Variants in GPC6 observed in about 807,000 individuals in gnomAD.
GPC6 encodes glypican-6.
Under a neutral mutation model 55.2 loss-of-function variants are expected in GPC6, and 14 were observed. The ratio of observed to expected loss-of-function variants is 0.25; its 90% CI spans 0.17 to 0.40. The LOEUF (loss-of-function observed/expected upper bound fraction) is 0.40. Ranked by LOEUF, GPC6 falls within the 10% of genes least tolerant of loss-of-function variation. GPC6 has a pLI of 1.00. For synonymous variants in GPC6, 278 were observed against 259.6 expected (o/e 1.07, Z -0.68); for missense variants, 641 against 708.5 (o/e 0.90, Z 1.08).
At chr13:93,741,746 C>T (rs552376415) in intron 2 of GPC6, among the ~76,000 whole-genome samples, 1 of 151,918 alleles carries the variant, frequency 6.6e-6, no homozygotes, top group Non-Finnish European at 1.5e-5. Flanking sequence ...AAATGCTTAC[C>T]CCCAGCACTC....
intron 4 of GPC6, among the ~76,000 whole-genome samples, chr13:94,137,264 C>T (rs558256739): frequency 6.6e-6 from 1 of 152,124 alleles, no homozygotes; most frequent in South Asian, 2.1e-4. Context: ...ATTCAGAAGC[C>T]AGTAGAGGGG....
chr13:93,558,999 C>T (rs868377885), intron 2 of GPC6, among the ~76,000 whole-genome samples: 7 of 152,176 alleles, frequency 4.6e-5, no homozygotes, highest in African/African-American at 1.7e-4. Context: ...GTGGCCCTCC[C>T]TTCAAAGCCC....
At chr13:93,809,151 C>T (rs141552977) in intron 2 of GPC6, among the ~76,000 whole-genome samples, 3 of 152,278 alleles carry the variant, frequency 2.0e-5, no homozygotes, top group African/African-American at 7.2e-5. Flanking sequence ...CTGGCAAATA[C>T]GCCTCTCCCT....
chr13:93,639,417 A>G (rs1375443510), intron 2 of GPC6, among the ~76,000 whole-genome samples: 1 of 152,126 alleles, frequency 6.6e-6, no homozygotes. Flanking sequence ...GGATAAATGA[A>G]GTTGTTGAAT....
chr13:94,253,247 C>A (rs1891411960), intron 4 of GPC6, among the ~76,000 whole-genome samples: 1 of 152,070 alleles, frequency 6.6e-6, no homozygotes, highest in Admixed American at 6.6e-5. Context: ...AGAGGGTGGT[C>A]TGCGTTCCCA....
chr13:93,814,555 T>A, intron 2 of GPC6, among the ~76,000 whole-genome samples: 1 of 152,176 alleles, frequency 6.6e-6, no homozygotes, highest in East Asian at 1.9e-4. Flanking sequence ...TTTTCCTGTT[T>A]GTACTTTGGA....
At chr13:94,014,580 C>T (rs188526025) in intron 3 of GPC6, among the ~76,000 whole-genome samples, 100 of 152,220 alleles carry the variant, frequency 6.6e-4, no homozygotes, top group Admixed American at 9.8e-4. Flanking sequence ...AGTATATTTA[C>T]GGTGTTAGCA....
chr13:93,952,723 A>T (rs1199008029), intron 3 of GPC6, among the ~76,000 whole-genome samples: 1 of 150,370 alleles, frequency 6.7e-6, no homozygotes. Flanking sequence ...ATTCACCTGT[A>T]TGTGTGTATA....
Position 94,406,464 on chromosome 13 carries a change from A to G in GPC6, c.*3247A>G, listed in dbSNP as rs1288155577. ...TTAGCACTAGAAATCTGTCTCCCTT[A>G]CAATGACTTACCTAGCTAGCATCAA... On this transcript the variant is annotated 3_prime_UTR_variant, in exon 9 of 9. Transcript: ENST00000377047. The G allele has an allele frequency of 6.6e-6, 1 of 152,166 alleles. No individual in the cohort carries two copies. The highest frequency in any genetic ancestry group is 1.5e-5 in the Non-Finnish European group (1 of 67,984). The allele number at this position is 152,166 out of a possible 1,614,324, so 9.4% of individuals were successfully genotyped here. A position where few individuals can be genotyped will look rare whatever the true frequency, so the allele number is the denominator to read the frequency against.
chr13:93,452,887 T>A (rs977392004), intron 1 of GPC6, among the ~76,000 whole-genome samples: 24 of 152,220 alleles, frequency 1.6e-4, no homozygotes, highest in Non-Finnish European at 3.4e-4. Context: ...GGTTTCCTAA[T>A]CCAAAACTCT....
At chr13:94,383,029 G>T (rs1880237972) in intron 7 of GPC6, among the ~76,000 whole-genome samples, 1 of 152,206 alleles carries the variant, frequency 6.6e-6, no homozygotes, top group African/African-American at 2.4e-5. Flanking sequence ...GGGACACTGA[G>T]AAATGGTTCT....
chr13:94,070,141 G>A (rs564522770), intron 4 of GPC6, among the ~76,000 whole-genome samples: 3 of 152,316 alleles, frequency 2.0e-5, no homozygotes, highest in East Asian at 1.9e-4. Context: ...AAGGCAAGGA[G>A]GAGCAAGTTA....
At chr13:93,613,315 A>G (rs1878580132) in intron 2 of GPC6, among the ~76,000 whole-genome samples, 1 of 152,182 alleles carries the variant, frequency 6.6e-6, no homozygotes, top group East Asian at 1.9e-4. Flanking sequence ...AAACTTGGCT[A>G]AGTGATTGCT....
At chr13:94,378,386 A>G (rs926141885) in intron 6 of GPC6, among the ~76,000 whole-genome samples, 1 of 152,152 alleles carries the variant, frequency 6.6e-6, no homozygotes, top group Non-Finnish European at 1.5e-5. Flanking sequence ...ACAGAAGAGT[A>G]CTTAGATAGT....
chr13:94,155,442 C>A (rs1398269555), intron 4 of GPC6, among the ~76,000 whole-genome samples: 2 of 152,184 alleles, frequency 1.3e-5, no homozygotes, highest in Admixed American at 1.3e-4. Context: ...TGTTAATTTT[C>A]ACATGAACAG....
At chr13:93,689,637 C>G (rs1345652936) in intron 2 of GPC6, among the ~76,000 whole-genome samples, 1 of 152,074 alleles carries the variant, frequency 6.6e-6, no homozygotes, top group Non-Finnish European at 1.5e-5. Context: ...GGTCCTATTT[C>G]CCATTTTTCT....
intron 4 of GPC6, among the ~76,000 whole-genome samples, chr13:94,111,743 G>A (rs1886257114): frequency 1.3e-5 from 2 of 152,000 alleles, no homozygotes; most frequent in Non-Finnish European, 1.5e-5. Context: ...TAAACTCCTT[G>A]ATGGTTTTCT....
chr13:94,296,727 G>A (rs1323975796), intron 5 of GPC6, among the ~76,000 whole-genome samples: 5 of 152,070 alleles, frequency 3.3e-5, no homozygotes, highest in Non-Finnish European at 7.4e-5. Context: ...CCATTTCTGT[G>A]GTGTAATTAC....
rs182587246 is a variant in GPC6, at chr13:93,440,464, T to G, written c.161-104799T>G. Among the ~76,000 whole-genome samples, 217 of 152,302 alleles carry G rather than the reference T, an allele frequency of 1.4e-3. 1 individual carries two copies. The highest frequency in any genetic ancestry group is 5.0e-3 in the African/African-American group (206 of 41,570). ...TTCTTGCAGGAAAAGCTGAACCAAG[T>G]GCAATACAAGTTGGAAAGTAGAAAC... On this transcript the variant is annotated intron_variant, in intron 1 of 8. Transcript: ENST00000377047.
Sources: gnomAD v4.1 joint callset for allele counts (sites outside exome capture counted in the v4.1 genomes callset) on GRCh38, gnomAD v4.1.1 for gene constraint, MANE v1.5 for transcripts, NCBI Gene and HGNC (gene_info 2026-07-23, HGNC 2026-07-21) for gene names.